Variants in NCAM1 observed in about 807,000 individuals in gnomAD.
NCAM1 encodes neural cell adhesion molecule 1.
Under a neutral mutation model 109.8 loss-of-function variants are expected in NCAM1, and 14 were observed. The ratio of observed to expected loss-of-function variants is 0.13; its 90% confidence interval spans 0.08 to 0.20. The LOEUF (loss-of-function observed/expected upper bound fraction) is 0.20. Ranked by LOEUF, NCAM1 falls within the 10% of genes least tolerant of loss-of-function variation. The probability of loss-of-function intolerance (pLI) is 1.00; values close to 1 mark genes in which losing one functional copy is unlikely to be tolerated. For synonymous variants in NCAM1, 418 were observed against 442.9 expected, an observed-to-expected ratio of 0.94 and a Z score of 0.70; for missense variants, 774 against 1,109.9, an observed-to-expected ratio of 0.70 and a Z score of 4.30.
In NCAM1 at chr11:113,233,262, G is replaced by T. The variant is rs1177893675; in HGVS notation, c.1638G>T (p.Glu546Asp). 2 of 1,613,696 alleles carry T rather than the reference G, an allele frequency of 1.2e-6. No homozygotes were observed. Among genetic ancestry groups the T allele is most frequent in the Non-Finnish European group, 8.5e-7 (1 of 1,179,858 alleles). The change falls in exon 13 of 20, where the codon GAG (glutamate) becomes GAT (aspartate). Residue 546 changes from glutamate (E) to aspartate (D), a missense_variant. Around this residue, in one of 4 missense-constraint regions of NCAM1, gnomAD observed 523 missense variants for 784.2 expected, o/e 0.67. Transcript: ENST00000316851. The surrounding 1 kb of genome is among the most constrained non-coding windows in gnomAD (Gnocchi z 4.5). ...GGVPILKYKA[E>D]WRAVGEEVWH... ...TGCCCATCCTCAAATACAAAGCTGA[G>T]TGGAGAGCAGTTGGTGAAGAAGTAT... is the stretch of plus-strand genomic sequence containing the variant.
At chr11:112,995,814 A>G (rs1039693499) in intron 1 of NCAM1, among the ~76,000 whole-genome samples, 12 of 152,196 alleles carry the variant, frequency 7.9e-5, no homozygotes, top group Non-Finnish European at 8.8e-5. Flanking sequence ...TAAATGTAAT[A>G]TAGCCTCAGT....
At chr11:113,102,436 A>G (rs1939916810) in intron 1 of NCAM1, among the ~76,000 whole-genome samples, 1 of 152,144 alleles carries the variant, frequency 6.6e-6, no homozygotes, top group African/African-American at 2.4e-5. Flanking sequence ...GTGAGGGTTG[A>G]GTGTCTTTAA....
chr11:113,075,645 C>A (rs1196300424), intron 1 of NCAM1, among the ~76,000 whole-genome samples: 1 of 152,056 alleles, frequency 6.6e-6, no homozygotes, highest in African/African-American at 2.4e-5. Context: ...ATTTTTGAGG[C>A]CCTAGATAGG....
chr11:112,988,328 C>T (rs1951364561), intron 1 of NCAM1, among the ~76,000 whole-genome samples: 1 of 152,158 alleles, frequency 6.6e-6, no homozygotes, highest in Admixed American at 6.5e-5. Flanking sequence ...TACACACCAC[C>T]ATTACAATAT....
chr11:113,253,702 A>G (rs1455345523), intron 15 of NCAM1, among the ~76,000 whole-genome samples: 1 of 152,180 alleles, frequency 6.6e-6, no homozygotes, highest in Non-Finnish European at 1.5e-5. Flanking sequence ...GGAGAAGGAC[A>G]CAGTCCTCGA....
intron 1 of NCAM1, among the ~76,000 whole-genome samples, chr11:113,157,136 G>C (rs996217483): frequency 1.4e-5 from 2 of 146,878 alleles, no homozygotes; most frequent in Non-Finnish European, 3.0e-5. Flanking sequence ...GTTTCCCTGA[G>C]ACACACACAC....
At chr11:113,009,412 C>T (rs1385986324) in intron 1 of NCAM1, among the ~76,000 whole-genome samples, 1 of 147,472 alleles carries the variant, frequency 6.8e-6, no homozygotes, top group African/African-American at 2.5e-5. Flanking sequence ...GCAGCCTCAA[C>T]GTCCTGGCCT....
intron 1 of NCAM1, among the ~76,000 whole-genome samples, chr11:113,174,028 A>G (rs1943074578): frequency 6.6e-6 from 1 of 152,156 alleles, no homozygotes; most frequent in East Asian, 1.9e-4. Context: ...TTTAGAATAA[A>G]TGCTGTGTGT....
intron 1 of NCAM1, among the ~76,000 whole-genome samples, chr11:113,196,649 A>T (rs1289820839): frequency 6.6e-6 from 1 of 152,194 alleles, no homozygotes; most frequent in Non-Finnish European, 1.5e-5. Context: ...CAGATGAGAC[A>T]CTGAGAGGTT....
intron 1 of NCAM1, among the ~76,000 whole-genome samples, chr11:113,162,174 G>A (rs947319821): frequency 6.6e-6 from 1 of 152,186 alleles, no homozygotes; most frequent in Non-Finnish European, 1.5e-5. Context: ...CCAGGCAATT[G>A]CTACAGGAAC....
At chr11:113,128,400 C>T (rs1478719679) in intron 1 of NCAM1, among the ~76,000 whole-genome samples, 1 of 152,168 alleles carries the variant, frequency 6.6e-6, no homozygotes, top group South Asian at 2.1e-4. Context: ...AGAAAGTGTC[C>T]TGCACATACA....
chr11:113,110,492 A>G (rs1367434480), intron 1 of NCAM1, among the ~76,000 whole-genome samples: 5 of 152,176 alleles, frequency 3.3e-5, no homozygotes, highest in African/African-American at 9.7e-5. Context: ...TTGTGGTATG[A>G]ATAAAGGTTA....
intron 1 of NCAM1, among the ~76,000 whole-genome samples, chr11:113,084,202 C>A (rs909478725): frequency 6.6e-6 from 1 of 152,130 alleles, no homozygotes; most frequent in Non-Finnish European, 1.5e-5. Context: ...TTTAAGGAGG[C>A]GCCCACTCTC....
At chr11:113,066,430 A>C (rs781994742) in intron 1 of NCAM1, among the ~76,000 whole-genome samples, 3 of 152,164 alleles carry the variant, frequency 2.0e-5, no homozygotes, top group Non-Finnish European at 4.4e-5. Flanking sequence ...TCTCTATTGC[A>C]TCCATCCAGG....
At chr11:113,221,128 CTAAAT>C (rs782153997) in intron 8 of NCAM1, among the ~76,000 whole-genome samples, 163 bp from the exon 9 acceptor site, 8 of 152,106 alleles carry the variant, frequency 5.3e-5, no homozygotes, top group Non-Finnish European at 1.0e-4. Flanking sequence ...AAGCTAAATC[CTAAAT>C]TAAATTGTGT....
intron 1 of NCAM1, among the ~76,000 whole-genome samples, chr11:113,085,538 G>A (rs141175449): frequency 9.2e-5 from 14 of 152,160 alleles, no homozygotes; most frequent in Admixed American, 3.9e-4. Context: ...TCTTGTGATC[G>A]CTGTGTTTAA....
intron 1 of NCAM1, among the ~76,000 whole-genome samples, chr11:113,085,374 T>C (rs922465236): frequency 6.6e-6 from 1 of 152,234 alleles, no homozygotes; most frequent in Non-Finnish European, 1.5e-5. Flanking sequence ...CCACTGTGCC[T>C]TCCTTTACCC....
intron 17 of NCAM1, among the ~76,000 whole-genome samples, chr11:113,262,060 G>A (rs1197641478): frequency 6.6e-6 from 1 of 152,176 alleles, no homozygotes; most frequent in South Asian, 2.1e-4. Context: ...GATCTGAGAA[G>A]GTGGTGGCTG....
At chr11:113,262,839 C>T in intron 17 of NCAM1, 3 of 1,613,704 alleles carry the variant, frequency 1.9e-6, no homozygotes, top group Non-Finnish European at 2.5e-6. Flanking sequence ...TTGCTTGACA[C>T]CTGCAGCAAC....
Sources: allele counts gnomAD v4.1 joint callset (sites outside exome capture counted in the v4.1 genomes callset), GRCh38; gene constraint gnomAD v4.1.1; regional missense constraint gnomAD v4.1.1; non-coding constraint Gnocchi (gnomAD v3.1); transcripts MANE v1.5; gene names NCBI Gene and HGNC (gene_info 2026-07-23, HGNC 2026-07-21).